GREB1L: variants seen among roughly 807,000 people sequenced by gnomAD.
The protein encoded by GREB1L is GREB1-like protein.
In GREB1L, 17 loss-of-function variants were observed where a neutral mutation model predicts 200.8. That is an observed-to-expected ratio of 0.08 (90% CI 0.06 to 0.13). GREB1L has a LOEUF of 0.13. Among genes scored for constraint, GREB1L ranks in the 10% least tolerant of loss-of-function variants. GREB1L has a pLI of 1.00. For missense variants in GREB1L, 1,657 were observed against 2,367.7 expected (o/e 0.70, Z 6.23); for synonymous variants, 789 against 893.0 (o/e 0.88, Z 2.08).
intron 1 of GREB1L, among the ~76,000 whole-genome samples, chr18:21,358,522 A>G (rs2039537678): frequency 6.6e-6 from 1 of 152,172 alleles, no homozygotes; most frequent in East Asian, 1.9e-4. Flanking sequence ...TCACTGTGTT[A>G]GCCAGTATGG....
chr18:21,456,224 C>G (rs2034758749), intron 15 of GREB1L, among the ~76,000 whole-genome samples: 1 of 152,122 alleles, frequency 6.6e-6, no homozygotes, highest in Admixed American at 6.6e-5. Flanking sequence ...GCATTTCTAA[C>G]AAGCTTATAG....
At chr18:21,416,949 G>A (rs1381779035) in intron 7 of GREB1L, among the ~76,000 whole-genome samples, 1 of 151,978 alleles carries the variant, frequency 6.6e-6, no homozygotes, top group African/African-American at 2.4e-5. Context: ...ATCACTGGGA[G>A]GCAGAAGTTG....
chr18:21,388,392 G>T (rs927760455), intron 4 of GREB1L, among the ~76,000 whole-genome samples: 1 of 151,826 alleles, frequency 6.6e-6, no homozygotes, highest in African/African-American at 2.4e-5. Context: ...AACCAATATT[G>T]ATACATTTTT....
intron 17 of GREB1L, chr18:21,485,286 G>T (rs1227685322): frequency 5.0e-6 from 1 of 198,442 alleles, no homozygotes; most frequent in Admixed American, 5.7e-5. Context: ...TCTGTATAGA[G>T]AACTACTTCC....
chr18:21,400,140 A>G (rs1453841329), intron 5 of GREB1L, among the ~76,000 whole-genome samples: 2 of 151,872 alleles, frequency 1.3e-5, no homozygotes, highest in Admixed American at 1.3e-4. Context: ...CTCATCAGAC[A>G]CAACTAGAAG....
chr18:21,267,189 CTTTTTTTTTT>C, intron 1 of GREB1L, among the ~76,000 whole-genome samples: 1 of 108,752 alleles, frequency 9.2e-6, no homozygotes, highest in South Asian at 3.2e-4. Flanking sequence ...GCCTCGGCCG[CTTTTTTTTTT>C]TTTTTTTTTT....
At chr18:21,306,586 A>G (rs147043588) in intron 1 of GREB1L, among the ~76,000 whole-genome samples, 43 of 152,356 alleles carry the variant, frequency 2.8e-4, no homozygotes, top group Non-Finnish European at 6.0e-4. Context: ...ACTCATTACA[A>G]TGAGAACAGC....
chr18:21,283,303 G>T (rs1044855262), intron 1 of GREB1L, among the ~76,000 whole-genome samples: 1 of 152,148 alleles, frequency 6.6e-6, no homozygotes, highest in African/African-American at 2.4e-5. Flanking sequence ...CCAAAAGAGT[G>T]AAGAAAGGCA....
In GREB1L at chr18:21,307,983, T is replaced by C. The variant is rs377416107; in HGVS notation, c.-119-58044T>C. On this transcript the variant is annotated intron_variant, in intron 1 of 32. Transcript: ENST00000424526. ...TATCCCTTTTAGTACCCCGATACCA[T>C]GTGCATATCTTTGCAAATAGTTGCT... Among the ~76,000 whole-genome samples the C allele has an allele frequency of 5.3e-5, 8 of 152,370 alleles. No homozygotes were observed. In the East Asian group the frequency reaches 1.3e-3, roughly 26 times the overall value.
In GREB1L at chr18:21,515,485, C is replaced by G. The variant is rs1568078176; in HGVS notation, c.4970C>G (p.Ala1657Gly). The change falls in exon 29 of 33, where the codon GCC becomes GGC. Residue 1657 changes from alanine to glycine, a missense_variant. Physicochemically the swap from Ala to Gly is moderately conservative, Grantham distance 60. This residue lies in a region of GREB1L where 151 missense variants were observed against 309.6 expected (regional missense o/e 0.49). Transcript: ENST00000424526. ...SLKTVLQHIE[A>G]TPKIVHYAIL... Reference sequence around the variant, plus strand: ...AAGACTGTCTTGCAGCACATTGAAGCCACACCAAAAATTGTCCACTATGCA... The same window carrying G: ...AAGACTGTCTTGCAGCACATTGAAGGCACACCAAAAATTGTCCACTATGCA... The G allele has an allele frequency of 6.4e-7, 1 of 1,551,644 alleles. No individual in the cohort carries two copies. The highest frequency in any genetic ancestry group is 8.7e-7 in the Non-Finnish European group (1 of 1,146,962).
chr18:21,495,743 T>C lies in GREB1L; in HGVS notation c.3104T>C (p.Val1035Ala), dbSNP rs760852681. Residue 1035 changes from valine to alanine, a missense_variant, in exon 20 of 33, where the codon GTG (valine) becomes GCG (alanine). Transcript: ENST00000424526. ...YQDLDGLPCI[V>A]ILTGKDPLGE... ...GATTTAGACGGTCTACCTTGTATTGTGATATTAACTGGCAAAGATCCTCTT... is the reference window on the plus strand; with the variant it reads ...GATTTAGACGGTCTACCTTGTATTGCGATATTAACTGGCAAAGATCCTCTT... The C allele has an allele frequency of 6.5e-7, 1 of 1,545,238 alleles. No homozygotes were observed. Among genetic ancestry groups the C allele is most frequent in the Middle Eastern group, 1.7e-4 (1 of 5,970 alleles).
intron 23 of GREB1L, 135 bp from the exon 24 acceptor site, chr18:21,505,277 G>C: frequency 1.3e-6 from 1 of 742,128 alleles, no homozygotes; most frequent in East Asian, 2.7e-5. Context: ...TCCTCTACTG[G>C]GACAGGGGAG....
At chr18:21,386,593 CTTT>C (rs35010034) in intron 4 of GREB1L, among the ~76,000 whole-genome samples, 4 of 115,158 alleles carry the variant, frequency 3.5e-5, no homozygotes, top group Non-Finnish European at 1.7e-5. Flanking sequence ...TGGCCAGTAG[CTTT>C]TTTTTTTTTT....
intron 1 of GREB1L, among the ~76,000 whole-genome samples, chr18:21,342,585 T>C (rs2039285019): frequency 6.6e-6 from 1 of 152,192 alleles, no homozygotes; most frequent in Admixed American, 6.5e-5. Context: ...TTACTAGCTT[T>C]ACCAGACGCT....
intron 1 of GREB1L, among the ~76,000 whole-genome samples, chr18:21,243,417 C>G (rs1040243623): frequency 7.2e-5 from 11 of 152,218 alleles, no homozygotes; most frequent in Non-Finnish European, 1.5e-5. Flanking sequence ...TCCCCACCCA[C>G]TCCTCTGGCC....
At chr18:21,432,219 G>A (rs374197571) in intron 7 of GREB1L, among the ~76,000 whole-genome samples, 33 of 152,104 alleles carry the variant, frequency 2.2e-4, no homozygotes, top group Admixed American at 1.2e-3. Flanking sequence ...CACCGTGCCC[G>A]GCCTAGAGTC....
At chr18:21,361,498 C>A (rs1200405645) in intron 1 of GREB1L, among the ~76,000 whole-genome samples, 1 of 152,118 alleles carries the variant, frequency 6.6e-6, no homozygotes, top group East Asian at 1.9e-4. Context: ...GGGAAGCTTC[C>A]TAGACATTAC....
At chr18:21,266,177 C>T (rs1033051955) in intron 1 of GREB1L, among the ~76,000 whole-genome samples, 6 of 151,956 alleles carry the variant, frequency 3.9e-5, no homozygotes, top group East Asian at 3.9e-4. Context: ...TGCTGGTGTC[C>T]GGAAGATAGT....
intron 11 of GREB1L, among the ~76,000 whole-genome samples, chr18:21,445,745 T>G (rs2034181067): frequency 6.6e-6 from 1 of 152,214 alleles, no homozygotes; most frequent in South Asian, 2.1e-4. Flanking sequence ...ACATGGCCTT[T>G]TGAAATTTAC....
Sources: allele counts gnomAD v4.1 joint callset (sites outside exome capture counted in the v4.1 genomes callset), GRCh38; gene constraint gnomAD v4.1.1; regional missense constraint gnomAD v4.1.1; transcripts MANE v1.5; gene names NCBI Gene and HGNC (gene_info 2026-07-23, HGNC 2026-07-21).